Variants in JMJD1C observed in about 807,000 individuals in gnomAD.
JMJD1C encodes jumonji domain-containing protein 1C.
JMJD1C carries 31 observed loss-of-function variants against 245.3 expected under a neutral mutation model. The observed-to-expected ratio is 0.13, with a 90% CI of 0.09 to 0.17. JMJD1C has a LOEUF of 0.17. Among genes scored for constraint, JMJD1C ranks in the 10% least tolerant of loss-of-function variants. The pLI, the probability that JMJD1C is intolerant of heterozygous loss-of-function variation, is 1.00. For missense variants in JMJD1C, 2,691 were observed against 3,000.2 expected (o/e 0.90, Z 2.41); for synonymous variants, 1,057 against 1,017.4 (o/e 1.04, Z -0.74).
chr10:63,455,229 T>C (rs758033620), intron 1 of JMJD1C, among the ~76,000 whole-genome samples: 61 of 152,270 alleles, frequency 4.0e-4, no homozygotes, highest in Non-Finnish European at 8.1e-4. Flanking sequence ...GTCAAAAAAG[T>C]TAATAAATTT....
intron 24 of JMJD1C, among the ~76,000 whole-genome samples, chr10:63,169,522 G>C (rs1216329362): frequency 6.6e-6 from 1 of 152,082 alleles, no homozygotes; most frequent in Non-Finnish European, 1.5e-5. Flanking sequence ...ATAGTAAGTG[G>C]GAAATGGAGA....
intron 3 of JMJD1C, among the ~76,000 whole-genome samples, chr10:63,242,295 G>A (rs1046184793): frequency 1.3e-5 from 2 of 152,286 alleles, no homozygotes; most frequent in African/African-American, 2.4e-5. Flanking sequence ...TCCCACATAC[G>A]ATTATCTGGG....
chr10:63,517,346 C>T (rs1013392280), intron 1 of JMJD1C, among the ~76,000 whole-genome samples: 1 of 152,130 alleles, frequency 6.6e-6, no homozygotes, highest in Non-Finnish European at 1.5e-5. Context: ...AAAAGAGAAA[C>T]CAATGCTTTT....
chr10:63,281,066 C>G (rs984524401), intron 2 of JMJD1C, among the ~76,000 whole-genome samples: 4 of 151,422 alleles, frequency 2.6e-5, no homozygotes, highest in Non-Finnish European at 4.4e-5. Context: ...ATCTCCTGAC[C>G]TCGTGATTCA....
intron 2 of JMJD1C, among the ~76,000 whole-genome samples, chr10:63,325,569 G>GT (rs893131271): frequency 3.9e-5 from 6 of 152,056 alleles, no homozygotes; most frequent in African/African-American, 1.4e-4. Flanking sequence ...TCTCTTTTCT[G>GT]TATCTAGAGC....
chr10:63,185,755 A>G, intron 19 of JMJD1C, 102 bp from the exon 20 acceptor site: 1 of 717,736 alleles, frequency 1.4e-6, no homozygotes, highest in Non-Finnish European at 2.5e-6. Context: ...TGATTGTTGC[A>G]CATTACATGC....
intron 3 of JMJD1C, among the ~76,000 whole-genome samples, chr10:63,240,680 T>C (rs1246048473): frequency 1.3e-5 from 2 of 152,122 alleles, no homozygotes; most frequent in African/African-American, 2.4e-5. Flanking sequence ...TTTTTTATAT[T>C]AGAGGGTTGA....
chr10:63,260,404 G>C (rs138856395), intron 3 of JMJD1C, among the ~76,000 whole-genome samples: 322 of 152,192 alleles, frequency 2.1e-3, no homozygotes, highest in Middle Eastern at 6.8e-3. Flanking sequence ...ACGGCCAGTA[G>C]CCAAAATCCA....
chr10:63,406,361 A>G (rs1471808161), intron 1 of JMJD1C, among the ~76,000 whole-genome samples: 2 of 152,194 alleles, frequency 1.3e-5, no homozygotes, highest in East Asian at 3.8e-4. Flanking sequence ...ACAGTTTCTA[A>G]TAAGCAATTT....
Position 63,227,903 on chromosome 10 carries a change from T to C in JMJD1C, c.448-7920A>G, listed in dbSNP as rs114321028. Among the ~76,000 whole-genome samples the C allele has an allele frequency of 2.7e-3, 404 of 152,308 alleles. 3 individuals are homozygous for C. The highest frequency in any genetic ancestry group is 9.0e-3 in the African/African-American group (376 of 41,566). On this transcript the variant is annotated intron_variant, in intron 3 of 25. Transcript: ENST00000399262. ...GAATGTTAAGTCCACAAGAGTGACATTAATTTTTACCACACCACATCTTTT... is the reference window on the plus strand; with the variant it reads ...GAATGTTAAGTCCACAAGAGTGACACTAATTTTTACCACACCACATCTTTT...
intron 3 of JMJD1C, among the ~76,000 whole-genome samples, chr10:63,231,533 C>A (rs1320285953): frequency 6.6e-6 from 1 of 152,104 alleles, no homozygotes; most frequent in African/African-American, 2.4e-5. Flanking sequence ...GTGGCTCATG[C>A]CTGTAATTCC....
At chr10:63,348,267 C>T (rs1944030355) in intron 2 of JMJD1C, among the ~76,000 whole-genome samples, 2 of 151,058 alleles carry the variant, frequency 1.3e-5, no homozygotes, top group South Asian at 4.2e-4. Context: ...TGGCATTTGA[C>T]CAGGGCAGAT....
intron 2 of JMJD1C, among the ~76,000 whole-genome samples, chr10:63,288,187 A>C (rs752616448): frequency 4.2e-4 from 64 of 152,198 alleles, no homozygotes; most frequent in Non-Finnish European, 6.8e-4. Context: ...TCCCTGTATA[A>C]GTAGATCTAT....
intron 1 of JMJD1C, among the ~76,000 whole-genome samples, chr10:63,464,695 A>C (rs1953064171): frequency 8.6e-6 from 1 of 115,776 alleles, no homozygotes; most frequent in African/African-American, 2.8e-5. Flanking sequence ...ACATGTAAGA[A>C]ACCAAAAAAA....
intron 2 of JMJD1C, among the ~76,000 whole-genome samples, chr10:63,298,411 G>C (rs981988394): frequency 1.3e-5 from 2 of 152,082 alleles, no homozygotes; most frequent in African/African-American, 4.8e-5. Context: ...AGCTTCTGGT[G>C]GTCTGCTGGC....
intron 1 of JMJD1C, among the ~76,000 whole-genome samples, chr10:63,497,436 C>G (rs552916213): frequency 6.6e-6 from 1 of 152,196 alleles, no homozygotes; most frequent in South Asian, 2.1e-4. Context: ...ATGAAATGTC[C>G]AGAACAGGCA....
At chr10:63,276,826 A>C (rs1211914205) in intron 2 of JMJD1C, among the ~76,000 whole-genome samples, 1 of 148,774 alleles carries the variant, frequency 6.7e-6, no homozygotes, top group Non-Finnish European at 1.5e-5. Context: ...CTCACTGAAG[A>C]GTGAGATATT....
intron 1 of JMJD1C, among the ~76,000 whole-genome samples, chr10:63,445,664 CTGTT>C (rs1951669713): frequency 6.6e-6 from 1 of 152,010 alleles, no homozygotes; most frequent in Non-Finnish European, 1.5e-5. Context: ...CATAATCTGA[CTGTT>C]TGCTATAGGC....
At chr10:63,329,231 A>G (rs1002749225) in intron 2 of JMJD1C, among the ~76,000 whole-genome samples, 1 of 151,920 alleles carries the variant, frequency 6.6e-6, no homozygotes, top group Non-Finnish European at 1.5e-5. Flanking sequence ...GTAGTAAGCC[A>G]TGATCGAGCC....
Sources: gnomAD v4.1 joint callset for allele counts (sites outside exome capture counted in the v4.1 genomes callset) on GRCh38, gnomAD v4.1.1 for gene constraint, MANE v1.5 for transcripts, NCBI Gene and HGNC (gene_info 2026-07-23, HGNC 2026-07-21) for gene names.